The following RBFOX1 variants were observed in gnomAD, a reference collection of about 807,000 sequenced individuals.
RBFOX1 encodes RNA binding fox-1 homolog 1, also known as RNA binding protein fox-1 homolog 1.
Under a neutral mutation model 57.7 loss-of-function variants are expected in RBFOX1, and 8 were observed. That is an observed-to-expected ratio of 0.14 (90% confidence interval 0.08 to 0.25). RBFOX1 has a LOEUF of 0.25. RBFOX1 is among the 10% of genes least tolerant of loss of function. RBFOX1 has a pLI of 1.00. For missense variants in RBFOX1, 611 were observed against 548.5 expected (o/e 1.11, Z -1.14); for synonymous variants, 326 against 222.4 (o/e 1.47, Z -4.15).
chr16:6,565,490 C>G (rs575823982), intron 2 of RBFOX1, among the ~76,000 whole-genome samples: 1 of 151,304 alleles, frequency 6.6e-6, no homozygotes, highest in East Asian at 2.0e-4. Context: ...ATCTCCTGAC[C>G]TCGTGATCCA....
intron 2 of RBFOX1, among the ~76,000 whole-genome samples, chr16:6,632,267 A>G (rs2098394261): frequency 6.6e-6 from 1 of 152,154 alleles, no homozygotes; most frequent in Non-Finnish European, 1.5e-5. Flanking sequence ...AACTGAAACC[A>G]TCGCAAACAA....
intron 4 of RBFOX1, among the ~76,000 whole-genome samples, chr16:7,327,609 C>T (rs2096627831): frequency 1.3e-5 from 2 of 152,168 alleles, no homozygotes; most frequent in South Asian, 4.1e-4. Context: ...CAACTGACAG[C>T]TTCTTTTTAG....
chr16:7,312,747 A>G (rs886898406), intron 4 of RBFOX1, among the ~76,000 whole-genome samples: 9 of 152,224 alleles, frequency 5.9e-5, no homozygotes, highest in Non-Finnish European at 1.0e-4. Flanking sequence ...AGCTGACAGA[A>G]TCACACTGCA....
Position 6,139,079 on chromosome 16 carries a change from C to T in RBFOX1, c.-127+119087C>T, listed in dbSNP as rs117357222. On this transcript the variant is annotated intron_variant, in intron 1 of 15. Coordinates refer to ENST00000550418, the MANE Select transcript of RBFOX1 (RefSeq NM_018723.4). ...CAGTTATTAGTGTTGTTTTTATTACCGCTATTGTTATTGATAGCAGTTCTA... is the reference window on the plus strand; with the variant it reads ...CAGTTATTAGTGTTGTTTTTATTACTGCTATTGTTATTGATAGCAGTTCTA... Among the ~76,000 whole-genome samples the T allele has an allele frequency of 8.2e-4, 125 of 152,026 alleles. No individual in the cohort carries two copies. In the East Asian group the frequency reaches 0.018, roughly 22 times the overall value.
intron 4 of RBFOX1, among the ~76,000 whole-genome samples, chr16:7,287,392 T>C (rs1214281373): frequency 6.6e-6 from 1 of 152,180 alleles, no homozygotes; most frequent in African/African-American, 2.4e-5. Context: ...GCAGGAACTA[T>C]GCCAGGGTGC....
At chr16:5,822,422 G>T (rs928634966) in intron 3 of RBFOX1, among the ~76,000 whole-genome samples, 1 of 152,086 alleles carries the variant, frequency 6.6e-6, no homozygotes, top group Non-Finnish European at 1.5e-5. Flanking sequence ...TACCCCAATA[G>T]CTTATGGAAA....
intron 4 of RBFOX1, among the ~76,000 whole-genome samples, chr16:7,439,598 C>G (rs538971584): frequency 1.7e-4 from 26 of 152,276 alleles, no homozygotes; most frequent in Admixed American, 4.6e-4. Context: ...GCTTTAAATG[C>G]AAAATGTCTT....
At chr16:6,211,242 T>C (rs1328850574) in intron 1 of RBFOX1, among the ~76,000 whole-genome samples, 2 of 147,258 alleles carry the variant, frequency 1.4e-5, no homozygotes, top group Non-Finnish European at 3.0e-5. Flanking sequence ...TTTTTTTTTT[T>C]TTTTGGGATG....
intron 3 of RBFOX1, among the ~76,000 whole-genome samples, chr16:6,961,260 C>G (rs59913989): frequency 6.6e-6 from 1 of 152,112 alleles, no homozygotes; most frequent in Non-Finnish European, 1.5e-5. Flanking sequence ...TTCTCAGAAC[C>G]TGGGGAGACC....
At chr16:6,798,229 G>T (rs756847122) in intron 3 of RBFOX1, among the ~76,000 whole-genome samples, 11 of 152,060 alleles carry the variant, frequency 7.2e-5, no homozygotes, top group Non-Finnish European at 1.3e-4. Flanking sequence ...AGAATCACTG[G>T]GGATACTAGT....
At chr16:7,183,167 G>A (rs566040604) in intron 4 of RBFOX1, among the ~76,000 whole-genome samples, 9 of 152,146 alleles carry the variant, frequency 5.9e-5, no homozygotes, top group Non-Finnish European at 1.0e-4. Flanking sequence ...GAGGCAGAGT[G>A]GGTTGAGTCA....
intron 4 of RBFOX1, among the ~76,000 whole-genome samples, chr16:7,458,183 A>G (rs1469455341): frequency 6.6e-6 from 1 of 152,170 alleles, no homozygotes; most frequent in African/African-American, 2.4e-5. Context: ...TGCCAGAGCC[A>G]TATGCATTAC....
intron 4 of RBFOX1, among the ~76,000 whole-genome samples, chr16:7,454,243 C>T (rs531273084): frequency 2.0e-5 from 3 of 152,046 alleles, no homozygotes; most frequent in Non-Finnish European, 4.4e-5. Flanking sequence ...CCACCAACCC[C>T]CCCAAAAAAA....
chr16:5,376,626 G>A (rs149997312), intron 1 of RBFOX1, among the ~76,000 whole-genome samples: 14 of 152,268 alleles, frequency 9.2e-5, no homozygotes, highest in Middle Eastern at 3.4e-3. Flanking sequence ...GCTCTAAGAC[G>A]CTAGTGCAGC....
intron 4 of RBFOX1, among the ~76,000 whole-genome samples, chr16:7,373,593 C>T (rs1055757059): frequency 6.6e-6 from 1 of 151,862 alleles, no homozygotes; most frequent in East Asian, 2.0e-4. Context: ...GGTCCACAGC[C>T]AGTCTATAAT....
At chr16:7,236,690 T>C (rs1399854525) in intron 4 of RBFOX1, among the ~76,000 whole-genome samples, 1 of 152,068 alleles carries the variant, frequency 6.6e-6, no homozygotes, top group African/African-American at 2.4e-5. Flanking sequence ...AACTTTACTT[T>C]TTCTTTTTTT....
intron 3 of RBFOX1, among the ~76,000 whole-genome samples, chr16:5,649,556 A>C (rs941537848): frequency 2.0e-5 from 3 of 152,174 alleles, no homozygotes; most frequent in Non-Finnish European, 2.9e-5. Context: ...AAAACTAAAA[A>C]CAGAAATCAT....
At chr16:6,927,057 A>C (rs899248550) in intron 3 of RBFOX1, among the ~76,000 whole-genome samples, 2 of 151,302 alleles carry the variant, frequency 1.3e-5, no homozygotes, top group African/African-American at 2.4e-5. Flanking sequence ...TCCACCCACC[A>C]TTTTTCTTTT....
At chr16:6,386,684 C>G (rs2092305604) in intron 2 of RBFOX1, among the ~76,000 whole-genome samples, 1 of 152,190 alleles carries the variant, frequency 6.6e-6, no homozygotes, top group Admixed American at 6.5e-5. Context: ...AAAATAGTGT[C>G]TGACACATAG....
Sources: allele counts gnomAD v4.1 joint callset (sites outside exome capture counted in the v4.1 genomes callset), GRCh38; gene constraint gnomAD v4.1.1; transcripts MANE v1.5; gene names NCBI Gene and HGNC (gene_info 2026-07-23, HGNC 2026-07-21).